Variants in TRHDE observed in about 807,000 individuals in gnomAD.
TRHDE encodes thyrotropin-releasing hormone-degrading ectoenzyme.
In TRHDE, 72 loss-of-function variants were observed where a neutral mutation model predicts 125.7. That is an observed-to-expected ratio of 0.57 (90% CI 0.47 to 0.70). The LOEUF (loss-of-function observed/expected upper bound fraction) is 0.70, where lower values mean the gene tolerates loss of function less well. Among genes scored for constraint, TRHDE ranks in the 30% least tolerant of loss-of-function variants. TRHDE has a pLI of 0.00. For missense variants in TRHDE, 1,110 were observed against 1,327.1 expected, an observed-to-expected ratio of 0.84 and a Z score of 2.54; for synonymous variants, 509 against 509.1, an observed-to-expected ratio of 1.00 and a Z score of 0.00.
intron 6 of TRHDE, among the ~76,000 whole-genome samples, chr12:72,534,482 G>T (rs536671505): frequency 1.3e-5 from 2 of 152,150 alleles, no homozygotes; most frequent in Admixed American, 6.5e-5. Flanking sequence ...AATGCTCAAA[G>T]AATGTACGGT....
At chr12:72,281,858 G>A (rs2139421247) in intron 1 of TRHDE, among the ~76,000 whole-genome samples, 1 of 152,288 alleles carries the variant, frequency 6.6e-6, no homozygotes, top group South Asian at 2.1e-4. Context: ...AGCTTGCCTA[G>A]TGAACTTCCG....
intron 2 of TRHDE, among the ~76,000 whole-genome samples, chr12:72,358,894 A>G (rs1870940053): frequency 6.6e-6 from 1 of 151,574 alleles, no homozygotes; most frequent in Non-Finnish European, 1.5e-5. Context: ...CATAATTTTT[A>G]AGAAAACAAT....
chr12:72,187,498 G>C (rs929970823), intron 2 of TRHDE, among the ~76,000 whole-genome samples: 5 of 149,694 alleles, frequency 3.3e-5, no homozygotes, highest in Non-Finnish European at 7.5e-5. Context: ...TGGTGGTGGT[G>C]GTGGTGGTGG....
At chr12:72,532,509 G>C (rs1344392580) in intron 6 of TRHDE, among the ~76,000 whole-genome samples, 1 of 150,998 alleles carries the variant, frequency 6.6e-6, no homozygotes, top group African/African-American at 2.4e-5. Flanking sequence ...TGCATCTCAT[G>C]TTTCACTATT....
intron 2 of TRHDE, among the ~76,000 whole-genome samples, chr12:72,168,246 AG>A (rs1555222703): frequency 6.6e-6 from 1 of 152,218 alleles, no homozygotes; most frequent in Non-Finnish European, 1.5e-5. Context: ...CTAGAATGAA[AG>A]GTTGACAAAC....
chr12:72,374,999 C>A (rs1331515680), intron 2 of TRHDE, among the ~76,000 whole-genome samples: 1 of 152,028 alleles, frequency 6.6e-6, no homozygotes, highest in Non-Finnish European at 1.5e-5. Context: ...GCTGGAGGAA[C>A]TGTAATCAAG....
At chr12:72,595,998 A>G (rs1219426110) in intron 12 of TRHDE, among the ~76,000 whole-genome samples, 1 of 152,124 alleles carries the variant, frequency 6.6e-6, no homozygotes, top group Non-Finnish European at 1.5e-5. Flanking sequence ...AGTTTAGAAC[A>G]AATTATTCAG....
chr12:72,247,736 T>A (rs1339553297), intron 2 of TRHDE, among the ~76,000 whole-genome samples: 1 of 152,122 alleles, frequency 6.6e-6, no homozygotes. Flanking sequence ...AATGTGTAGA[T>A]TAGGGTTATT....
intron 2 of TRHDE, among the ~76,000 whole-genome samples, chr12:72,197,750 T>G (rs985203705): frequency 2.0e-5 from 3 of 152,098 alleles, no homozygotes; most frequent in Non-Finnish European, 2.9e-5. Context: ...ATTTCCTCCT[T>G]TGTGTATCTG....
intron 2 of TRHDE, among the ~76,000 whole-genome samples, chr12:72,151,407 C>G (rs1258833341): frequency 1.3e-5 from 2 of 151,782 alleles, no homozygotes; most frequent in East Asian, 1.9e-4. Flanking sequence ...TAATTAGATC[C>G]CATTTGTCAA....
At chr12:72,118,743 T>C (rs1378141243) in intron 2 of TRHDE, among the ~76,000 whole-genome samples, 2 of 152,170 alleles carry the variant, frequency 1.3e-5, no homozygotes, top group Non-Finnish European at 2.9e-5. Flanking sequence ...TACTGGTCTG[T>C]TCAGGTTTTG....
chr12:72,170,507 C>T (rs114539753), intron 2 of TRHDE, among the ~76,000 whole-genome samples: 5,263 of 152,022 alleles, frequency 0.035, 165 homozygotes, highest in African/African-American at 0.081. Flanking sequence ...CTGATATGGC[C>T]CTCATTGGTC....
At chr12:72,323,916 T>G (rs1013890215) in intron 2 of TRHDE, among the ~76,000 whole-genome samples, 1 of 152,054 alleles carries the variant, frequency 6.6e-6, no homozygotes, top group Non-Finnish European at 1.5e-5. Flanking sequence ...AGACACAGAA[T>G]GACCATCTCA....
chr12:72,527,634 CGAA>C (rs1477802411), intron 6 of TRHDE, among the ~76,000 whole-genome samples: 4 of 149,640 alleles, frequency 2.7e-5, no homozygotes, highest in African/African-American at 9.8e-5. Context: ...GGAGAGATTA[CGAA>C]GAAGAGACAG....
chr12:72,550,219 T>C (rs578249347), intron 7 of TRHDE, among the ~76,000 whole-genome samples: 6 of 151,918 alleles, frequency 3.9e-5, no homozygotes, highest in African/African-American at 1.4e-4. Context: ...CAGATGCCAG[T>C]CTGTAATTAT....
rs780475626 is a variant in TRHDE, at chr12:72,653,028, G to A, written c.2856G>A (p.Leu952=). ...TCTATCTTTGAAGGCTTCTAAATCTGTCACTGAATTCTGAGGTGGTGCTGG... is the reference window on the plus strand; with the variant it reads ...TCTATCTTTGAAGGCTTCTAAATCTATCACTGAATTCTGAGGTGGTGCTGG... ...DRNLLNRLLN[L]SLNSEVVLDQ... is the part of the protein sequence containing the mutation. Residue 952 remains leucine (L), a synonymous_variant, in exon 17 of 19, where the codon CTG becomes CTA. Transcript: ENST00000261180. The A allele has an allele frequency of 1.2e-6, 2 of 1,604,234 alleles. No individual in the cohort carries two copies. The highest frequency in any genetic ancestry group is 3.4e-5 in the Admixed American group (2 of 58,840).
chr12:72,093,031 T>A (rs1442798873), intron 1 of TRHDE, among the ~76,000 whole-genome samples: 1 of 152,212 alleles, frequency 6.6e-6, no homozygotes, highest in African/African-American at 2.4e-5. Flanking sequence ...GTAGGAGCCC[T>A]CAGCATGCAC....
At chr12:72,450,887 C>G (rs1365484437) in intron 3 of TRHDE, among the ~76,000 whole-genome samples, 2 of 151,996 alleles carry the variant, frequency 1.3e-5, no homozygotes, top group African/African-American at 4.8e-5. Flanking sequence ...TTGTATTTCC[C>G]TGATAATTAG....
At chr12:72,634,856 A>T (rs1873663076) in intron 15 of TRHDE, among the ~76,000 whole-genome samples, 1 of 151,822 alleles carries the variant, frequency 6.6e-6, no homozygotes, top group African/African-American at 2.4e-5. Flanking sequence ...GCTGCATAGT[A>T]TTCCATGGTG....
Sources: gnomAD v4.1 joint callset for allele counts (sites outside exome capture counted in the v4.1 genomes callset) on GRCh38, gnomAD v4.1.1 for gene constraint, MANE v1.5 for transcripts, NCBI Gene and HGNC (gene_info 2026-07-23, HGNC 2026-07-21) for gene names.